Variants in FHIT observed in about 807,000 individuals in gnomAD.
The protein encoded by FHIT is bis(5'-adenosyl)-triphosphatase.
In FHIT, 19 loss-of-function variants were observed where a neutral mutation model predicts 17.9. The ratio of observed to expected loss-of-function variants is 1.06; its 90% CI spans 0.74 to 1.56. The LOEUF (loss-of-function observed/expected upper bound fraction) is 1.56. FHIT is among the 40% of genes most tolerant of loss of function. The probability of loss-of-function intolerance (pLI) is 0.00; values close to 1 mark genes in which losing one functional copy is unlikely to be tolerated. For missense variants in FHIT, 248 were observed against 189.2 expected (o/e 1.31, Z -1.82); for synonymous variants, 81 against 69.7 (o/e 1.16, Z -0.81).
chr3:61,041,607 C>G (rs1387587090), intron 3 of FHIT, among the ~76,000 whole-genome samples: 2 of 151,790 alleles, frequency 1.3e-5, no homozygotes, highest in Non-Finnish European at 2.9e-5. Context: ...GATATCTACC[C>G]TTTCCTCCTT....
intron 5 of FHIT, among the ~76,000 whole-genome samples, chr3:60,184,700 C>T (rs144578978): frequency 5.7e-4 from 87 of 152,188 alleles, no homozygotes; most frequent in African/African-American, 1.8e-3. Context: ...CACGTGTGGC[C>T]GACATTTAAG....
intron 2 of FHIT, among the ~76,000 whole-genome samples, chr3:61,175,056 G>A (rs541222708): frequency 1.3e-5 from 2 of 152,098 alleles, no homozygotes; most frequent in African/African-American, 2.4e-5. Context: ...AAACCCTCAC[G>A]AAAGGTTAAG....
At chr3:60,385,381 A>G (rs1056143303) in intron 5 of FHIT, among the ~76,000 whole-genome samples, 1 of 152,204 alleles carries the variant, frequency 6.6e-6, no homozygotes, top group Non-Finnish European at 1.5e-5. Flanking sequence ...ACAAATATAC[A>G]TCAGGTGCAG....
chr3:60,425,502 T>C (rs926189770), intron 5 of FHIT, among the ~76,000 whole-genome samples: 2 of 152,004 alleles, frequency 1.3e-5, no homozygotes, highest in Non-Finnish European at 2.9e-5. Flanking sequence ...TTTAACTATA[T>C]AGCCAACCTG....
intron 2 of FHIT, among the ~76,000 whole-genome samples, chr3:61,192,630 G>A (rs369832174): frequency 6.6e-6 from 1 of 152,114 alleles, no homozygotes; most frequent in Non-Finnish European, 1.5e-5. Context: ...AGGCATCTTC[G>A]GTGATAAATC....
rs527658737 is a variant in FHIT at position 60,812,212 on chromosome 3, T to C, written c.-18+9707A>G. On this transcript the variant is annotated intron_variant, in intron 4 of 9. Transcript: ENST00000492590. The stretch of plus-strand genomic sequence containing the variant: ...TTTTTGAGACAGAGTCTGGCTGTTG[T>C]TGCTCAGTGGAGTCATCTTGGCTCA... 4.0e-5 allele frequency among the ~76,000 whole-genome samples: 6 copies of C among 151,836 alleles called. No homozygotes were observed. The South Asian group carries it at 1.3e-3, about 32-fold the overall frequency.
chr3:59,880,614 T>C (rs531147995), intron 8 of FHIT, among the ~76,000 whole-genome samples: 24 of 152,306 alleles, frequency 1.6e-4, no homozygotes, highest in Admixed American at 4.6e-4. Flanking sequence ...CCCTCATTTG[T>C]AAAACAGAGA....
At chr3:60,436,701 T>G (rs542324280) in intron 5 of FHIT, among the ~76,000 whole-genome samples, 1 of 152,276 alleles carries the variant, frequency 6.6e-6, no homozygotes, top group South Asian at 2.1e-4. Flanking sequence ...GCTGCCTTCA[T>G]GGAGTCTATA....
chr3:59,782,908 T>C (rs1702661490), intron 8 of FHIT, among the ~76,000 whole-genome samples: 1 of 152,116 alleles, frequency 6.6e-6, no homozygotes, highest in South Asian at 2.1e-4. Flanking sequence ...AGCAGGAAGA[T>C]TGCTGGAATT....
At chr3:60,413,114 G>T (rs1469954961) in intron 5 of FHIT, among the ~76,000 whole-genome samples, 1 of 152,150 alleles carries the variant, frequency 6.6e-6, no homozygotes, top group Admixed American at 6.5e-5. Context: ...CAGACATGTT[G>T]TTGATGTTGA....
At chr3:60,027,495 T>C (rs1700800570) in intron 5 of FHIT, among the ~76,000 whole-genome samples, 1 of 152,228 alleles carries the variant, frequency 6.6e-6, no homozygotes, top group African/African-American at 2.4e-5. Flanking sequence ...GTCTTTACCA[T>C]CATCACTTAA....
chr3:60,521,360 G>A (rs1483119409), intron 5 of FHIT, among the ~76,000 whole-genome samples: 1 of 152,030 alleles, frequency 6.6e-6, no homozygotes, highest in Non-Finnish European at 1.5e-5. Flanking sequence ...CCATTCTCCT[G>A]CCTCAACCTC....
At chr3:61,137,491 G>A (rs1250291928) in intron 2 of FHIT, among the ~76,000 whole-genome samples, 1 of 151,992 alleles carries the variant, frequency 6.6e-6, no homozygotes, top group East Asian at 1.9e-4. Flanking sequence ...TCAGAGCCCT[G>A]TCTCACTATG....
At chr3:60,240,913 A>G (rs1439817765) in intron 5 of FHIT, among the ~76,000 whole-genome samples, 1 of 152,194 alleles carries the variant, frequency 6.6e-6, no homozygotes, top group African/African-American at 2.4e-5. Context: ...GTTTAAAGTG[A>G]TTAAAACATG....
chr3:60,430,610 G>C (rs1282557128), intron 5 of FHIT, among the ~76,000 whole-genome samples: 1 of 151,784 alleles, frequency 6.6e-6, no homozygotes, highest in East Asian at 1.9e-4. Context: ...CTCTCTCTAA[G>C]GCAGGATACT....
intron 5 of FHIT, among the ~76,000 whole-genome samples, chr3:60,325,611 T>C (rs913431170): frequency 7.2e-5 from 11 of 152,232 alleles, no homozygotes; most frequent in African/African-American, 2.7e-4. Context: ...ATTTTTAATC[T>C]AACAGGTTTT....
chr3:60,164,188 T>C (rs1275625528), intron 5 of FHIT, among the ~76,000 whole-genome samples: 1 of 152,132 alleles, frequency 6.6e-6, no homozygotes, highest in Non-Finnish European at 1.5e-5. Flanking sequence ...TCAGGGGAAA[T>C]GAATCCCTGG....
chr3:60,295,722 A>G (rs974541413), intron 5 of FHIT, among the ~76,000 whole-genome samples: 1 of 152,156 alleles, frequency 6.6e-6, no homozygotes, highest in African/African-American at 2.4e-5. Flanking sequence ...AGAAACTACT[A>G]AACTGTCTAT....
intron 4 of FHIT, among the ~76,000 whole-genome samples, chr3:60,635,822 C>T (rs1048555426): frequency 1.5e-4 from 23 of 152,082 alleles, no homozygotes; most frequent in African/African-American, 5.3e-4. Flanking sequence ...TTCCCTTAAA[C>T]GGGCAGACAG....
Sources: allele counts gnomAD v4.1 joint callset (sites outside exome capture counted in the v4.1 genomes callset), GRCh38; gene constraint gnomAD v4.1.1; transcripts MANE v1.5; gene names NCBI Gene and HGNC (gene_info 2026-07-23, HGNC 2026-07-21).